Variants in CYP2A6 observed in about 807,000 individuals in gnomAD.
CYP2A6 encodes cytochrome P450 2A6.
CYP2A6 carries 27 observed loss-of-function variants against 42.3 expected under a neutral mutation model. The ratio of observed to expected loss-of-function variants is 0.64; its 90% CI spans 0.47 to 0.88. CYP2A6 has a LOEUF of 0.88. CYP2A6 is among the 40% of genes least tolerant of loss of function. CYP2A6 has a pLI of 0.00. For synonymous variants in CYP2A6, 238 were observed against 246.3 expected, an observed-to-expected ratio of 0.97 and a Z score of 0.31; for missense variants, 628 against 646.0, an observed-to-expected ratio of 0.97 and a Z score of 0.30.
At chr19:40,844,497 C>G (rs2083445466) in intron 8 of CYP2A6, 134 bp downstream of exon 8, 1 of 1,479,992 alleles carries the variant, frequency 6.8e-7, no homozygotes, top group Admixed American at 1.8e-5. Flanking sequence ...GTATCAGCTG[C>G]TGGCTCAAGG....
At position 40,845,161 on chromosome 19, in the gene CYP2A6, G is replaced by A. The variant is rs775661179; in HGVS notation, c.1161+133C>T. ...AGTGGAAAGGTGGAACGGATGTGGT[G>A]GTTGGGGAAGTCTTTTTTGACTGAT... On this transcript the variant is annotated intron_variant, in intron 7 of 8. Transcript: ENST00000301141. 8 of 1,114,508 alleles carry A rather than the reference G, an allele frequency of 7.2e-6. 1 individual carries two copies. The East Asian group carries it at 2.0e-4, about 28-fold the overall frequency. The allele number at this position is 1,114,508 out of a possible 1,614,324, so 69.0% of individuals were successfully genotyped here.
At position 40,844,506 on chromosome 19, in the gene CYP2A6, G is replaced by T. The variant is rs1289707076; in HGVS notation, c.1303+125C>A. 1.1e-5 allele frequency: 17 copies of T among 1,534,308 alleles called. 1 individual carries two copies. The highest frequency in any genetic ancestry group is 4.9e-5 in the East Asian group (2 of 41,100). ...AAGGAAGTATCAGCTGCTGGCTCAA[G>T]GGTAGATTCTAACAGGAACTTCCAA... On this transcript the variant is annotated intron_variant, in intron 8 of 8. Transcript: ENST00000301141.
chr19:40,848,266 G>A lies in CYP2A6; in HGVS notation c.607C>T (p.Arg203Cys), dbSNP rs56256500. The A allele has an allele frequency of 6.9e-4, 1,108 of 1,611,504 alleles. 35 individuals are homozygous for A. In the African/African-American group the frequency reaches 0.013, roughly 19 times the overall value. Residue 203 changes from arginine to cysteine, a missense_variant, in exon 4 of 9, where the codon CGC (arginine) becomes TGC (cysteine). Coordinates refer to ENST00000301141, the MANE Select transcript of CYP2A6 (RefSeq NM_000762.6). ...AACTGGAAGATTCCTAGCATCATGC[G>A]CAACAGTGACAGGAACTCTTTGTCC... ...YKDKEFLSLLRMMLGIFQFTS... is the reference protein window; with the variant it reads ...YKDKEFLSLLCMMLGIFQFTS...
Position 40,844,731 on chromosome 19 carries a change from G to T in CYP2A6, c.1203C>A (p.Asp401Glu). 1 of 1,611,716 alleles carries T rather than the reference G, an allele frequency of 6.2e-7. No homozygotes were observed. Among genetic ancestry groups the T allele is most frequent in the Non-Finnish European group, 8.5e-7 (1 of 1,179,866 alleles). The change falls in exon 8 of 9, where the codon GAC becomes GAA. Residue 401 changes from aspartate (D) to glutamate (E), a missense_variant. Asp to Glu is a conservative substitution (Grantham distance 45). Coordinates refer to ENST00000301141, the MANE Select transcript of CYP2A6 (RefSeq NM_000762.6). ...CCTGGGGGTTGGAGAAGAAACTGGG[G>T]TCTCTCAGCACAGAGCCCAGCATAG... ...VYPMLGSVLRDPSFFSNPQDF... is the reference protein window; with the variant it reads ...VYPMLGSVLREPSFFSNPQDF...
rs1199940391 is a variant in CYP2A6, at chr19:40,850,286, C to G, written c.141G>C (p.Leu47=). The G allele has an allele frequency of 6.2e-6, 10 of 1,610,132 alleles. No individual in the cohort carries two copies. Among genetic ancestry groups the G allele is most frequent in the Middle Eastern group, 1.7e-4 (1 of 6,050 alleles). ...PTPLPFIGNY[L]QLNTEQMYNS... ...TGTACATCTGCTCTGTGTTCAGCTG[C>G]AGGTAGTTTCCAATGAAGGGCAATG... Residue 47 remains leucine (L), a synonymous_variant, in exon 1 of 9, where the codon CTG becomes CTC. Transcript: ENST00000301141.
rs756155939 is a variant in CYP2A6, at chr19:40,845,365, C to T, written c.1090G>A (p.Asp364Asn). The change falls in exon 7 of 9, where the codon GAC becomes AAC. Residue 364 changes from aspartate to asparagine, a missense_variant. Physicochemically the swap from Asp to Asn is conservative, Grantham distance 23 (BLOSUM62 1). Coordinates refer to ENST00000301141, the MANE Select transcript of CYP2A6 (RefSeq NM_000762.6). ...CGGGCCAAACTCATGGGGATCACGT[C>T]TCCAAATCTTTGGATCTCGTGGATC... ...AVIHEIQRFGDVIPMSLARRV... is the reference protein window; with the variant it reads ...AVIHEIQRFGNVIPMSLARRV... 2.5e-6 allele frequency: 4 copies of T among 1,611,678 alleles called. No homozygotes were observed. In the Admixed American group the frequency reaches 5.0e-5, roughly 20 times the overall value.
intron 7 of CYP2A6, 100 bp downstream of exon 7, chr19:40,845,194 G>A: frequency 2.7e-6 from 4 of 1,480,576 alleles, no homozygotes; most frequent in South Asian, 1.2e-5. Context: ...GATTGAGGGA[G>A]TGGGACAGGG....
chr19:40,850,129 A>C, intron 1 of CYP2A6, 118 bp downstream of exon 1: 1 of 1,525,042 alleles, frequency 6.6e-7, no homozygotes, highest in Non-Finnish European at 8.8e-7. Flanking sequence ...TCTGATGCTG[A>C]AACTCCAAAA....
chr19:40,850,217 C>A (rs140179029), intron 1 of CYP2A6, 30 bp downstream of exon 1: 1 of 1,595,060 alleles, frequency 6.3e-7, no homozygotes, highest in Admixed American at 1.7e-5. Flanking sequence ...GCCCCCACCC[C>A]GTGCCACCCA....
At chr19:40,845,259 G>T (rs756883463) in intron 7 of CYP2A6, 35 bp downstream of exon 7, 1 of 1,608,942 alleles carries the variant, frequency 6.2e-7, no homozygotes, top group Admixed American at 1.7e-5. Context: ...GGGGCTGGAA[G>T]TCCCCGTAGT....
rs777823513 is a variant in CYP2A6, at chr19:40,848,653, C to A, written c.454G>T (p.Glu152Ter). The A allele has an allele frequency of 2.5e-6, 4 of 1,611,986 alleles. 1 individual carries two copies. The South Asian group carries it at 4.4e-5, about 18-fold the overall frequency. Residue 152 changes from glutamate (E) to a stop codon, truncating the protein, a stop_gained, in exon 3 of 9, where the codon GAG (glutamate) becomes TAG (stop). Coordinates refer to ENST00000301141, the MANE Select transcript of CYP2A6 (RefSeq NM_000762.6). LOFTEE classifies it high-confidence loss of function. ...KRGIEERIQE[E>*]AGFLIDALRG... is the part of the protein sequence containing the mutation. ...AGGGCGTCGATGAGGAAGCCCGCCT[C>A]CTCCTGGATGCGCTCCTCGATGCCT...
chr19:40,848,545 A>C, intron 3 of CYP2A6, 69 bp downstream of exon 3: 1 of 1,593,144 alleles, frequency 6.3e-7, no homozygotes, highest in Non-Finnish European at 8.6e-7. Context: ...CCCCAGGCAG[A>C]ACGCGCGCGG....
chr19:40,850,328 C>T lies in CYP2A6; in HGVS notation c.99G>A (p.Leu33=), dbSNP rs1967198728. The part of the protein sequence containing the change: ...VWQQRKSKGK[L]PPGPTPLPFI... ...AGGGCAATGGGGTGGGTCCCGGAGG[C>T]AGCTTCCCCTTGCTCTTCCTCTGCT... Residue 33 remains leucine (L), a synonymous_variant, in exon 1 of 9, where the codon CTG becomes CTA. Coordinates refer to ENST00000301141, the MANE Select transcript of CYP2A6 (RefSeq NM_000762.6). The T allele has an allele frequency of 6.2e-7, 1 of 1,610,168 alleles. No individual in the cohort carries two copies. Among genetic ancestry groups the T allele is most frequent in the Non-Finnish European group, 8.5e-7 (1 of 1,178,868 alleles).
intron 2 of CYP2A6, among the ~76,000 whole-genome samples, chr19:40,849,002 G>GAGA (rs1555783039): frequency 5.5e-5 from 6 of 108,718 alleles, no homozygotes; most frequent in Non-Finnish European, 9.1e-5. Context: ...GAGAGAGAGA[G>GAGA]AGAGAGAGAA....
rs752606164 is a variant in CYP2A6 at position 40,848,618 on chromosome 19, A to G, written c.489T>C (p.Thr163=). Residue 163 remains threonine, a synonymous_variant, in exon 3 of 9, where the codon ACT becomes ACC. Coordinates refer to ENST00000301141, the MANE Select transcript of CYP2A6 (RefSeq NM_000762.6). ...AGFLIDALRG[T]GGANIDPTFF... is the part of the protein sequence containing the mutation. ...CACTCGGGGTCCCCTGCTCACCGCCAGTGCCCCGGAGGGCGTCGATGAGGA... is the reference window on the plus strand; with the variant it reads ...CACTCGGGGTCCCCTGCTCACCGCCGGTGCCCCGGAGGGCGTCGATGAGGA... 16 of 1,610,902 alleles carry G rather than the reference A, an allele frequency of 9.9e-6. 2 individuals carry two copies. In the East Asian group the frequency reaches 3.2e-4, roughly 33 times the overall value.
chr19:40,849,840 G>A lies in CYP2A6; in HGVS notation c.321C>T (p.Phe107=), dbSNP rs764536563. Reference sequence around the variant, plus strand: ...CACCATAGCCTTTGAAGACCCAGTCGAAGGTGGCTTGCTCGCCTCGCCCGC... The same window carrying A: ...CACCATAGCCTTTGAAGACCCAGTCAAAGGTGGCTTGCTCGCCTCGCCCGC... ...EFSGRGEQAT[F]DWVFKGYGVV... is the part of the protein sequence containing the mutation. Residue 107 remains phenylalanine (F), a synonymous_variant, in exon 2 of 9, where the codon TTC becomes TTT. Transcript: ENST00000301141. 33 of 1,610,998 alleles carry A rather than the reference G, an allele frequency of 2.0e-5. 1 individual carries two copies. The highest frequency in any genetic ancestry group is 1.7e-5 in the Admixed American group (1 of 59,988).
chr19:40,845,089 C>G, intron 7 of CYP2A6: 1 of 677,090 alleles, frequency 1.5e-6, no homozygotes, highest in Non-Finnish European at 2.5e-6. Context: ...GTGTTTGATT[C>G]TCCTGACACA....
intron 3 of CYP2A6, 60 bp downstream of exon 3, chr19:40,848,554 G>A (rs1478237590): frequency 1.3e-5 from 20 of 1,595,428 alleles, no homozygotes; most frequent in Non-Finnish European, 1.6e-5. Context: ...GAACGCGCGC[G>A]GGTTCCTCGT....
chr19:40,845,261 C>A lies in CYP2A6; in HGVS notation c.1161+33G>T, dbSNP rs369798042. On this transcript the variant is annotated intron_variant, in intron 7 of 8. Coordinates refer to ENST00000301141, the MANE Select transcript of CYP2A6 (RefSeq NM_000762.6). ...GGGGACACAGAGAGGGGCTGGAAGT[C>A]CCCGTAGTCTGGGGGGTGGGGGCGG... The A allele has an allele frequency of 2.0e-5, 33 of 1,610,716 alleles. 1 individual carries two copies. Among genetic ancestry groups the A allele is most frequent in the Non-Finnish European group, 2.7e-5 (32 of 1,179,494 alleles).
Sources: gnomAD v4.1 joint callset for allele counts (sites outside exome capture counted in the v4.1 genomes callset) on GRCh38, gnomAD v4.1.1 for gene constraint, MANE v1.5 for transcripts, NCBI Gene and HGNC (gene_info 2026-07-23, HGNC 2026-07-21) for gene names.